Variants in NIM1K observed in about 807,000 individuals in gnomAD.
The protein encoded by NIM1K is NIM1 serine/threonine protein kinase.
NIM1K carries 35 observed loss-of-function variants against 37.1 expected under a neutral mutation model. The observed-to-expected ratio is 0.94, with a 90% CI of 0.72 to 1.25. The LOEUF (loss-of-function observed/expected upper bound fraction) is 1.25. Ranked by LOEUF, NIM1K falls within the 50% of genes most tolerant of loss-of-function variation. NIM1K has a pLI of 0.00. For synonymous variants in NIM1K, 234 were observed against 206.6 expected (o/e 1.13, Z -1.14); for missense variants, 564 against 548.0 (o/e 1.03, Z -0.29).
intron 1 of NIM1K, among the ~76,000 whole-genome samples, chr5:43,198,323 C>CTGT (rs1751965709): frequency 6.9e-6 from 1 of 144,616 alleles, no homozygotes; most frequent in Non-Finnish European, 1.5e-5. Flanking sequence ...TCCCTTCCTT[C>CTGT]CTTTCTGTCT....
intron 1 of NIM1K, chr5:43,233,002 G>A: frequency 7.6e-6 from 9 of 1,187,390 alleles, no homozygotes; most frequent in Non-Finnish European, 1.1e-5. Context: ...ATGCTTGCCG[G>A]AGCCCGTCTC....
intron 2 of NIM1K, among the ~76,000 whole-genome samples, chr5:43,273,455 C>T (rs111806491): frequency 2.8e-3 from 432 of 152,230 alleles, no homozygotes; most frequent in African/African-American, 9.1e-3. Flanking sequence ...GTGATCCACC[C>T]GCCTCGGCCT....
chr5:43,235,691 C>G (rs1752610326), intron 1 of NIM1K, among the ~76,000 whole-genome samples: 1 of 152,188 alleles, frequency 6.6e-6, no homozygotes, highest in Non-Finnish European at 1.5e-5. Flanking sequence ...GTTAAATAAA[C>G]TTGGGGACCA....
intron 1 of NIM1K, among the ~76,000 whole-genome samples, chr5:43,243,694 G>A (rs1054087176): frequency 4.6e-5 from 7 of 151,950 alleles, no homozygotes; most frequent in Admixed American, 4.6e-4. Context: ...TTGTTTTTTT[G>A]AGACAGGGTC....
intron 1 of NIM1K, among the ~76,000 whole-genome samples, chr5:43,214,517 C>A (rs1752269121): frequency 6.6e-6 from 1 of 152,072 alleles, no homozygotes; most frequent in South Asian, 2.1e-4. Context: ...ATGAAGCTCT[C>A]AGAAATGTGC....
chr5:43,269,721 C>T (rs898212916), intron 2 of NIM1K, among the ~76,000 whole-genome samples: 2 of 152,032 alleles, frequency 1.3e-5, no homozygotes, highest in Non-Finnish European at 2.9e-5. Context: ...TGGGTTCATG[C>T]CATTCTCCTG....
chr5:43,248,422 A>G (rs1224093543), intron 2 of NIM1K, among the ~76,000 whole-genome samples: 2 of 152,208 alleles, frequency 1.3e-5, no homozygotes, highest in African/African-American at 4.8e-5. Flanking sequence ...ATGAAGGTTG[A>G]AAAGCAAGAG....
At chr5:43,254,613 G>C (rs1179576331) in intron 2 of NIM1K, among the ~76,000 whole-genome samples, 1 of 152,208 alleles carries the variant, frequency 6.6e-6, no homozygotes, top group Non-Finnish European at 1.5e-5. Flanking sequence ...AAATATTCGA[G>C]GGAGCAATGC....
chr5:43,226,721 TG>T (rs1450436251), intron 1 of NIM1K, among the ~76,000 whole-genome samples: 1 of 152,052 alleles, frequency 6.6e-6, no homozygotes, highest in Non-Finnish European at 1.5e-5. Context: ...GCAGGTAGAG[TG>T]GGTGGATGAA....
chr5:43,237,375 T>A (rs1752636924), intron 1 of NIM1K, among the ~76,000 whole-genome samples: 2 of 152,244 alleles, frequency 1.3e-5, no homozygotes, highest in Admixed American at 1.3e-4. Context: ...CCATTCTACC[T>A]GCTCCAGAGG....
At chr5:43,199,599 A>T (rs186184387) in intron 1 of NIM1K, among the ~76,000 whole-genome samples, 71 of 152,310 alleles carry the variant, frequency 4.7e-4, no homozygotes, top group African/African-American at 1.6e-3. Flanking sequence ...AGCTGCAACT[A>T]TCCTCTTTCA....
rs1318020435 is a variant in NIM1K, at chr5:43,280,072, C to A, written c.654C>A (p.Ser218Arg). 1.2e-6 allele frequency: 2 copies of A among 1,614,024 alleles called. No individual in the cohort carries two copies. The highest frequency in any genetic ancestry group is 2.7e-5 in the African/African-American group (2 of 74,902). The change falls in exon 4 of 4, where the codon AGC becomes AGA. Residue 218 changes from serine to arginine, a missense_variant. Physicochemically the swap from Ser to Arg is moderately radical, Grantham distance 110. Transcript: ENST00000326035. ...TCVKVGDFGF[S>R]TVSKKGEMLN... ...TGAAGGTGGGCGATTTTGGATTCAG[C>A]ACAGTAAGCAAAAAAGGTGAAATGC... is the stretch of plus-strand genomic sequence containing the variant.
At chr5:43,232,695 A>C in intron 1 of NIM1K, 1 of 1,469,724 alleles carries the variant, frequency 6.8e-7, no homozygotes, top group Non-Finnish European at 9.3e-7. Flanking sequence ...TGCCGTAATC[A>C]ACCGGGAGTT....
chr5:43,224,047 CT>C (rs5867624), intron 1 of NIM1K, among the ~76,000 whole-genome samples: 1 of 147,532 alleles, frequency 6.8e-6, no homozygotes, highest in African/African-American at 2.5e-5. Context: ...ATTATTTTCA[CT>C]TTTTTTTTGT....
chr5:43,258,779 A>T (rs901478080), intron 2 of NIM1K, among the ~76,000 whole-genome samples: 4 of 151,724 alleles, frequency 2.6e-5, no homozygotes, highest in African/African-American at 9.7e-5. Context: ...TTACTTATAA[A>T]TTTTTTTTCA....
chr5:43,268,403 G>A (rs549097315), intron 2 of NIM1K, among the ~76,000 whole-genome samples: 23 of 152,126 alleles, frequency 1.5e-4, no homozygotes, highest in African/African-American at 5.5e-4. Flanking sequence ...GGATTGGGCT[G>A]ACCAGACCAG....
intron 1 of NIM1K, among the ~76,000 whole-genome samples, 192 bp downstream of exon 1, chr5:43,192,603 C>A (rs1001562114): frequency 6.6e-6 from 1 of 152,216 alleles, no homozygotes; most frequent in Non-Finnish European, 1.5e-5. Context: ...GGGCGTACCC[C>A]CACACCTGCC....
intron 1 of NIM1K, among the ~76,000 whole-genome samples, chr5:43,219,844 G>A (rs562434682): frequency 2.0e-3 from 14 of 6,948 alleles, no homozygotes; most frequent in South Asian, 0.083. Flanking sequence ...TGCCTCAGCC[G>A]CCCGAGTGAG....
chr5:43,201,385 G>A (rs914198601), intron 1 of NIM1K, among the ~76,000 whole-genome samples: 1 of 145,556 alleles, frequency 6.9e-6, no homozygotes, highest in Non-Finnish European at 1.5e-5. Context: ...CTCCAGCCTG[G>A]GTGACAGAAC....
Sources: gnomAD v4.1 joint callset for allele counts (sites outside exome capture counted in the v4.1 genomes callset) on GRCh38, gnomAD v4.1.1 for gene constraint, MANE v1.5 for transcripts, NCBI Gene and HGNC (gene_info 2026-07-23, HGNC 2026-07-21) for gene names.